Variants in PARD3B observed in about 807,000 individuals in gnomAD.
PARD3B encodes the protein partitioning defective 3 homolog B.
In PARD3B, 103 loss-of-function variants were observed where a neutral mutation model predicts 130.2. The ratio of observed to expected loss-of-function variants is 0.79; its 90% CI spans 0.67 to 0.93. The LOEUF is 0.93. PARD3B is among the 40% of genes least tolerant of loss of function. PARD3B has a pLI of 0.00. For synonymous variants in PARD3B, 583 were observed against 553.2 expected (o/e 1.05, Z -0.76); for missense variants, 1,609 against 1,499.2 (o/e 1.07, Z -1.21).
Position 205,121,335 on chromosome 2 carries a change from A to G in PARD3B, c.807-256A>G, listed in dbSNP as rs2030687708. On this transcript the variant is annotated intron_variant, in intron 7 of 22. Transcript: ENST00000406610. The surrounding 1 kb of genome is among the most constrained non-coding windows in gnomAD (Gnocchi z 5.0). ...CATGTCCGTGAAATGAAAGCTATTT[A>G]TACTTACCGAATGTGCTTTCTAAAT... is the stretch of plus-strand genomic sequence containing the variant. 6.6e-6 allele frequency among the ~76,000 whole-genome samples: 1 copy of G among 152,242 alleles called. No homozygotes were observed. The highest frequency in any genetic ancestry group is 2.4e-5 in the African/African-American group (1 of 41,454).
chr2:205,411,739 C>T (rs2046605884), intron 19 of PARD3B, among the ~76,000 whole-genome samples: 1 of 152,060 alleles, frequency 6.6e-6, no homozygotes, highest in African/African-American at 2.4e-5. Flanking sequence ...ATGCCAGATA[C>T]TTCCATTCAA....
chr2:205,220,568 A>C (rs1424054484), intron 15 of PARD3B, among the ~76,000 whole-genome samples: 1 of 152,176 alleles, frequency 6.6e-6, no homozygotes, highest in Admixed American at 6.5e-5. Context: ...CAGAGATAAA[A>C]CAGTGAACAA....
At chr2:205,250,979 T>A (rs544968275) in intron 16 of PARD3B, among the ~76,000 whole-genome samples, 1 of 152,230 alleles carries the variant, frequency 6.6e-6, no homozygotes, top group African/African-American at 2.4e-5. Flanking sequence ...AGCTGGTAAC[T>A]AGTTTGGGGT....
chr2:204,962,251 G>C (rs941784155), intron 2 of PARD3B, among the ~76,000 whole-genome samples: 4 of 152,086 alleles, frequency 2.6e-5, no homozygotes, highest in African/African-American at 9.7e-5. Flanking sequence ...GAAGGAGACT[G>C]GAGGGCAGAC....
At chr2:205,195,973 G>A (rs2036661683) in intron 15 of PARD3B, among the ~76,000 whole-genome samples, 1 of 152,088 alleles carries the variant, frequency 6.6e-6, no homozygotes, top group African/African-American at 2.4e-5. Flanking sequence ...GACCAAACTA[G>A]TATTTTAACT....
intron 11 of PARD3B, among the ~76,000 whole-genome samples, chr2:205,159,498 C>G (rs796557678): frequency 3.9e-5 from 6 of 152,256 alleles, no homozygotes; most frequent in South Asian, 4.2e-4. Context: ...TACTGGTTAG[C>G]TAGATGGCCG....
chr2:204,698,627 T>G (rs1348078986), intron 2 of PARD3B, among the ~76,000 whole-genome samples: 2 of 152,068 alleles, frequency 1.3e-5, no homozygotes, highest in Admixed American at 1.3e-4. Flanking sequence ...GCTCATTATT[T>G]CTATTATTCA....
At chr2:204,913,333 A>G (rs954537610) in intron 2 of PARD3B, among the ~76,000 whole-genome samples, 4 of 152,184 alleles carry the variant, frequency 2.6e-5, no homozygotes, top group African/African-American at 7.2e-5. Context: ...GGCCCCACCA[A>G]TTAAGTGCTG....
At chr2:205,376,916 G>T (rs1042596087) in intron 18 of PARD3B, among the ~76,000 whole-genome samples, 1 of 152,052 alleles carries the variant, frequency 6.6e-6, no homozygotes, top group African/African-American at 2.4e-5. Flanking sequence ...GCCGTGTTTT[G>T]TTTTTTAAAA....
chr2:204,718,558 G>C lies in PARD3B; in HGVS notation c.222+32276G>C, dbSNP rs371003074. Among the ~76,000 whole-genome samples, 11 of 152,246 alleles carry C rather than the reference G, an allele frequency of 7.2e-5. No individual in the cohort carries two copies. In the South Asian group the frequency reaches 1.0e-3, roughly 14 times the overall value. On this transcript the variant is annotated intron_variant, in intron 2 of 22. Transcript: ENST00000406610. ...TCACCTCCTGTCAGGGCCCTTCCTTGACATGTGGGGATTACAATTTGAGAT... is the reference window on the plus strand; with the variant it reads ...TCACCTCCTGTCAGGGCCCTTCCTTCACATGTGGGGATTACAATTTGAGAT...
At chr2:205,277,713 G>C (rs1028544306) in intron 16 of PARD3B, among the ~76,000 whole-genome samples, 2 of 152,094 alleles carry the variant, frequency 1.3e-5, no homozygotes, top group Non-Finnish European at 2.9e-5. Context: ...TTGGACTGTG[G>C]GGGGAAGAAC....
At chr2:204,640,103 A>T (rs1051515869) in intron 1 of PARD3B, among the ~76,000 whole-genome samples, 1 of 152,098 alleles carries the variant, frequency 6.6e-6, no homozygotes, top group African/African-American at 2.4e-5. Flanking sequence ...ATAATTAAAA[A>T]ATTAGCTGGA....
intron 1 of PARD3B, among the ~76,000 whole-genome samples, chr2:204,561,466 G>A (rs956838961): frequency 2.6e-5 from 4 of 152,180 alleles, no homozygotes; most frequent in African/African-American, 7.2e-5. Context: ...AGTTAGGGTC[G>A]GCCATTGGGG....
chr2:205,574,227 T>G (rs1157434067), intron 22 of PARD3B, among the ~76,000 whole-genome samples: 11 of 152,170 alleles, frequency 7.2e-5, no homozygotes, highest in Admixed American at 7.2e-4. Context: ...GTGAAAAGCA[T>G]AAAATTAAAA....
chr2:205,607,018 C>A (rs73062230), intron 22 of PARD3B, among the ~76,000 whole-genome samples: 3,565 of 152,208 alleles, frequency 0.023, 134 homozygotes, highest in African/African-American at 0.08. Context: ...GTGATGCCAA[C>A]GTTCAAGGTA....
rs1420538818 is a variant in PARD3B, at chr2:205,125,259, A to C, written c.1306-350A>C. On this transcript the variant is annotated intron_variant, in intron 9 of 22. Transcript: ENST00000406610. This position sits in a 1 kb window ranked among gnomAD's most constrained non-coding sequence, Gnocchi z 4.0. ...GAAATTTGCCTTGTGATCATGGTTC[A>C]CTCTGCTTGTTGAATTAGGCAGAAA... is the stretch of plus-strand genomic sequence containing the variant. 6.6e-6 allele frequency among the ~76,000 whole-genome samples: 1 copy of C among 152,146 alleles called. No homozygotes were observed. Among genetic ancestry groups the C allele is most frequent in the Non-Finnish European group, 1.5e-5 (1 of 68,028 alleles).
chr2:205,249,006 G>GTTTTTTTGTTTTTTTT (rs2039708371), intron 16 of PARD3B, among the ~76,000 whole-genome samples: 1 of 95,084 alleles, frequency 1.1e-5, no homozygotes, highest in African/African-American at 4.7e-5. Context: ...TAAAATAAGA[G>GTTTTTTTGTTTTTTTT]TTTTTTTTTT....
At position 205,104,506 on chromosome 2, in the gene PARD3B, C is replaced by T; in HGVS notation, c.585C>T (p.Asp195=). ...TACTAACTTCGCCAAGAACTAAGGA[C>T]ACATTGAGGTATTCTCTTTATACAG... The part of the protein sequence containing the change: ...TELLTSPRTK[D]TLSDMTRTVE... Residue 195 remains aspartate (D), a synonymous_variant, in exon 5 of 23, where the codon GAC becomes GAT. Transcript: ENST00000406610. The T allele has an allele frequency of 6.5e-7, 1 of 1,536,710 alleles. No individual in the cohort carries two copies.
chr2:205,014,124 A>T (rs1410463200), intron 3 of PARD3B, among the ~76,000 whole-genome samples: 1 of 152,222 alleles, frequency 6.6e-6, no homozygotes, highest in African/African-American at 2.4e-5. Flanking sequence ...TGGTACTTAA[A>T]TTCAATGAAA....
Sources: allele counts gnomAD v4.1 joint callset (sites outside exome capture counted in the v4.1 genomes callset), GRCh38; gene constraint gnomAD v4.1.1; non-coding constraint Gnocchi (gnomAD v3.1); transcripts MANE v1.5; gene names NCBI Gene and HGNC (gene_info 2026-07-23, HGNC 2026-07-21).